Variants in EYS observed in about 807,000 individuals in gnomAD.
EYS encodes EGF-like photoreceptor maintenance factor.
A neutral mutation model predicts 282.1 loss-of-function variants in EYS; 250 were observed. That is an observed-to-expected ratio of 0.89 (90% CI 0.80 to 0.98). The LOEUF (loss-of-function observed/expected upper bound fraction) is 0.98. EYS is among the 50% of genes least tolerant of loss of function. The probability of loss-of-function intolerance (pLI) is 0.00; values close to 1 mark genes in which losing one functional copy is unlikely to be tolerated. For missense variants in EYS, 4,016 were observed against 3,709.0 expected (o/e 1.08, Z -2.15); for synonymous variants, 1,355 against 1,282.9 (o/e 1.06, Z -1.20).
chr6:63,959,201 A>C (rs909960231), intron 35 of EYS, among the ~76,000 whole-genome samples: 2 of 152,196 alleles, frequency 1.3e-5, no homozygotes, highest in Non-Finnish European at 2.9e-5. Context: ...AAAGTGGGCA[A>C]AGGATATGAA....
chr6:65,016,119 T>C (rs1458693843), intron 13 of EYS, among the ~76,000 whole-genome samples: 1 of 149,516 alleles, frequency 6.7e-6, no homozygotes, highest in African/African-American at 2.5e-5. Flanking sequence ...ATCCCAGCAC[T>C]TTGGGAGGCC....
rs1480457099 is a variant in EYS at position 63,793,223 on chromosome 6, C to T, written c.7412-3999G>A. The stretch of plus-strand genomic sequence containing the variant: ...CTTTTCTGTATTAGCTAATTATTTA[C>T]ACTGAAAATGATGATAGAGAAGAAA... On this transcript the variant is annotated intron_variant, in intron 37 of 42. Transcript: ENST00000503581. 3.8e-4 allele frequency among the ~76,000 whole-genome samples: 58 copies of T among 152,124 alleles called. 3 individuals are homozygous for T. Among genetic ancestry groups the T allele is most frequent in the Admixed American group, 3.8e-3 (58 of 15,270 alleles).
intron 12 of EYS, among the ~76,000 whole-genome samples, chr6:65,134,259 G>A (rs767815875): frequency 3.7e-4 from 56 of 151,582 alleles, no homozygotes; most frequent in Non-Finnish European, 2.1e-4. Flanking sequence ...AATTTCAAAG[G>A]AACATAAATC....
At chr6:64,780,353 T>A (rs1186940561) in intron 22 of EYS, among the ~76,000 whole-genome samples, 5 of 152,180 alleles carry the variant, frequency 3.3e-5, no homozygotes, top group Admixed American at 6.6e-5. Flanking sequence ...AACATCAGGA[T>A]TATTACTACT....
chr6:64,579,269 TG>T (rs1205899793), intron 26 of EYS, among the ~76,000 whole-genome samples: 1 of 152,150 alleles, frequency 6.6e-6, no homozygotes, highest in Non-Finnish European at 1.5e-5. Flanking sequence ...ACTGAAGGCC[TG>T]AAGGACAAAA....
At chr6:65,653,998 A>G (rs1254911551) in intron 1 of EYS, among the ~76,000 whole-genome samples, 2 of 151,936 alleles carry the variant, frequency 1.3e-5, no homozygotes, top group African/African-American at 4.8e-5. Context: ...GATATCTGAC[A>G]GTCCTTCATA....
chr6:65,514,856 T>A (rs1446013280), intron 2 of EYS, among the ~76,000 whole-genome samples: 4 of 152,050 alleles, frequency 2.6e-5, no homozygotes, highest in Non-Finnish European at 5.9e-5. Context: ...AACCTAGGCA[T>A]TACCATTTAG....
chr6:64,709,679 G>A (rs1322945698), intron 22 of EYS, among the ~76,000 whole-genome samples: 1 of 152,182 alleles, frequency 6.6e-6, no homozygotes, highest in African/African-American at 2.4e-5. Context: ...TAAGAAGTCA[G>A]ATTGTATGAA....
intron 1 of EYS, among the ~76,000 whole-genome samples, chr6:65,684,303 T>C (rs16897048): frequency 0.052 from 7,897 of 151,958 alleles, 639 homozygotes; most frequent in African/African-American, 0.17. Flanking sequence ...TACAAGAAAA[T>C]AATAACATTT....
chr6:64,555,170 T>C (rs1765197811), intron 26 of EYS, among the ~76,000 whole-genome samples: 1 of 151,914 alleles, frequency 6.6e-6, no homozygotes, highest in Non-Finnish European at 1.5e-5. Flanking sequence ...TATGTATATC[T>C]AGTATAAACA....
chr6:64,315,413 T>C (rs1016402558), intron 29 of EYS, among the ~76,000 whole-genome samples: 1 of 152,096 alleles, frequency 6.6e-6, no homozygotes, highest in Non-Finnish European at 1.5e-5. Context: ...CTAACTCATT[T>C]TATGAGGACA....
chr6:65,547,773 T>C (rs981856334), intron 2 of EYS, among the ~76,000 whole-genome samples: 10 of 152,204 alleles, frequency 6.6e-5, no homozygotes, highest in African/African-American at 2.4e-4. Context: ...CAAATGTAAT[T>C]GGTTATAGTG....
intron 5 of EYS, among the ~76,000 whole-genome samples, chr6:65,470,661 T>G (rs1429163742): frequency 6.6e-6 from 1 of 152,140 alleles, no homozygotes; most frequent in Non-Finnish European, 1.5e-5. Flanking sequence ...AATCTGAAAT[T>G]TTTAAGTAAC....
chr6:64,143,127 T>C (rs920340004), intron 31 of EYS, among the ~76,000 whole-genome samples: 4 of 152,098 alleles, frequency 2.6e-5, no homozygotes, highest in Non-Finnish European at 4.4e-5. Flanking sequence ...AGCAAAACTA[T>C]GGAGGCTGTG....
chr6:64,273,750 A>C (rs1768018684), intron 30 of EYS, among the ~76,000 whole-genome samples: 4 of 151,984 alleles, frequency 2.6e-5, no homozygotes, highest in African/African-American at 9.7e-5. Context: ...TGCAGCTTGG[A>C]AACTCTACTT....
At chr6:65,002,598 A>G (rs947933465) in intron 13 of EYS, among the ~76,000 whole-genome samples, 4 of 147,620 alleles carry the variant, frequency 2.7e-5, no homozygotes, top group African/African-American at 9.7e-5. Context: ...ACAAATTTAA[A>G]ATTTGAGTTA....
At chr6:64,178,754 A>T (rs1582388601) in intron 31 of EYS, among the ~76,000 whole-genome samples, 1 of 149,442 alleles carries the variant, frequency 6.7e-6, no homozygotes, top group East Asian at 1.9e-4. Context: ...CACCAATAAT[A>T]AAAAAGTCAT....
chr6:64,552,417 G>A (rs546132697), intron 26 of EYS, among the ~76,000 whole-genome samples: 51 of 152,120 alleles, frequency 3.4e-4, no homozygotes, highest in Admixed American at 9.8e-4. Flanking sequence ...TTACTGATCC[G>A]GAGTGAATTA....
chr6:65,245,158 G>C (rs576965847), intron 12 of EYS, among the ~76,000 whole-genome samples: 13 of 152,238 alleles, frequency 8.5e-5, no homozygotes, highest in African/African-American at 3.1e-4. Context: ...ATATGGTGTT[G>C]CTAAAATGTG....
Sources: gnomAD v4.1 joint callset for allele counts (sites outside exome capture counted in the v4.1 genomes callset) on GRCh38, gnomAD v4.1.1 for gene constraint, MANE v1.5 for transcripts, NCBI Gene and HGNC (gene_info 2026-07-23, HGNC 2026-07-21) for gene names.